PIAS3: variants seen among roughly 807,000 people sequenced by gnomAD.
PIAS3 encodes E3 SUMO-protein ligase PIAS3.
PIAS3 carries 34 observed loss-of-function variants against 67.6 expected under a neutral mutation model. The observed-to-expected ratio is 0.50, with a 90% CI of 0.38 to 0.67. PIAS3 has a LOEUF of 0.67. Among genes scored for constraint, PIAS3 ranks in the 30% least tolerant of loss-of-function variants. The pLI is 0.00. For missense variants in PIAS3, 693 were observed against 791.6 expected (o/e 0.88, Z 1.49); for synonymous variants, 341 against 313.8 (o/e 1.09, Z -0.92).
At chr1:145,854,643 G>T (rs1427641429) in intron 6 of PIAS3, 80 bp from the exon 7 acceptor site, 2 of 1,582,168 alleles carry the variant, frequency 1.3e-6, no homozygotes, top group South Asian at 1.1e-5. Context: ...GAGGACCAGA[G>T]ACAGACTCAT....
chr1:145,856,131 G>A lies in PIAS3; in HGVS notation c.528-13C>T, dbSNP rs1036567939. 9 of 1,611,668 alleles carry A rather than the reference G, an allele frequency of 5.6e-6. No individual in the cohort carries two copies. Among genetic ancestry groups the A allele is most frequent in the Admixed American group, 1.7e-5 (1 of 60,018 alleles). On this transcript the variant is annotated splice_polypyrimidine_tract_variant and intron_variant, in intron 3 of 13. Coordinates refer to ENST00000393045, the MANE Select transcript of PIAS3 (RefSeq NM_006099.3). ...TGGCAGAACCTCTCTGTAACAGGGA[G>A]GGAGATGAAGAGATGTCAGCATGTA...
chr1:145,857,345 C>A (rs1436066669), intron 1 of PIAS3: 6 of 347,984 alleles, frequency 1.7e-5, no homozygotes, highest in African/African-American at 1.0e-4. Flanking sequence ...CCGCCTCCAT[C>A]CCTGGACTCT....
chr1:145,854,221 T>C (rs1653071711), intron 7 of PIAS3: 2 of 599,162 alleles, frequency 3.3e-6, no homozygotes, highest in African/African-American at 1.9e-5. Context: ...GGGCTGGAGT[T>C]AGGGACTGTG....
intron 9 of PIAS3, 145 bp from the exon 10 acceptor site, chr1:145,851,298 T>C (rs1652954594): frequency 2.5e-6 from 2 of 795,882 alleles, no homozygotes; most frequent in South Asian, 1.7e-5. Flanking sequence ...CTCTGAGTTG[T>C]TGGAATCAAA....
intron 7 of PIAS3, chr1:145,854,215 T>G: frequency 1.7e-6 from 1 of 597,866 alleles, no homozygotes; most frequent in Non-Finnish European, 3.0e-6. Context: ...CTAGCAGGGC[T>G]GGAGTTAGGG....
chr1:145,856,549 T>C (rs781813139), intron 2 of PIAS3, 40 bp downstream of exon 2: 50 of 1,587,236 alleles, frequency 3.2e-5, no homozygotes, highest in Non-Finnish European at 3.6e-5. Flanking sequence ...GGGGAACAGG[T>C]AGGGAGTCCA....
intron 9 of PIAS3, among the ~76,000 whole-genome samples, chr1:145,851,655 C>CA (rs1188623126): frequency 0.048 from 1,990 of 41,354 alleles, 85 homozygotes; most frequent in African/African-American, 0.13. Flanking sequence ...GGCTCTGCCT[C>CA]AAAAAAAAAA....
Position 145,859,061 on chromosome 1 carries a change from C to G in PIAS3, c.-71G>C. On this transcript the variant is annotated 5_prime_UTR_variant, in exon 1 of 14. Coordinates refer to ENST00000393045, the MANE Select transcript of PIAS3 (RefSeq NM_006099.3). ...AGGGACCGGCGCACAACTCTCCACC[C>G]TGGCGCCGGCCGCAAATGCCGCCTG... 6.8e-7 allele frequency: 1 copy of G among 1,474,840 alleles called. No individual in the cohort carries two copies. The allele number at this position is 1,474,840 out of a possible 1,614,324, so 91.4% of individuals were successfully genotyped here. A position where few individuals can be genotyped will look rare whatever the true frequency, so the allele number is the denominator to read the frequency against.
intron 5 of PIAS3, 130 bp downstream of exon 5, chr1:145,855,606 T>G: frequency 1.5e-6 from 1 of 665,760 alleles, no homozygotes; most frequent in Non-Finnish European, 2.7e-6. Flanking sequence ...ATTGATTCAG[T>G]CAGTAAACTG....
At position 145,850,274 on chromosome 1, in the gene PIAS3, C is replaced by T; in HGVS notation, c.1583-5G>A. On this transcript the variant is annotated splice_region_variant and splice_polypyrimidine_tract_variant and intron_variant, in intron 12 of 13. Coordinates refer to ENST00000393045, the MANE Select transcript of PIAS3 (RefSeq NM_006099.3). ...GAAATGAAAATAAATCTAAACCTGG[C>T]AGGAAAAGAAAAATCAAAATTAACC... is the stretch of plus-strand genomic sequence containing the variant. The T allele has an allele frequency of 1.2e-6, 2 of 1,614,208 alleles. No homozygotes were observed. Among genetic ancestry groups the T allele is most frequent in the Non-Finnish European group, 1.7e-6 (2 of 1,180,026 alleles).
Position 145,849,335 on chromosome 1 carries a change from T to C in PIAS3, c.*111A>G. ...CCAAAAGTAGGCATCTGTGAAGGTC[T>C]GTCTGGCCCTTGGCCAGAGCCCCCA... On this transcript the variant is annotated 3_prime_UTR_variant, in exon 14 of 14. Transcript: ENST00000393045. The C allele has an allele frequency of 8.7e-7, 1 of 1,143,264 alleles. No homozygotes were observed. Among genetic ancestry groups the C allele is most frequent in the African/African-American group, 1.6e-5 (1 of 62,772 alleles). 70.8% of individuals were successfully genotyped at this position (1,143,264 alleles called of 1,614,324 possible). A position where few individuals can be genotyped will look rare whatever the true frequency, so the allele number is the denominator to read the frequency against.
In PIAS3 at chr1:145,849,080, G is replaced by A. The variant is rs1466920669; in HGVS notation, c.*366C>T. The A allele has an allele frequency of 1.6e-5, 3 of 184,262 alleles. No individual in the cohort carries two copies. Among genetic ancestry groups the A allele is most frequent in the Non-Finnish European group, 3.3e-5 (3 of 89,578 alleles). 11.4% of individuals were successfully genotyped at this position (184,262 alleles called of 1,614,324 possible). A position where few individuals can be genotyped will look rare whatever the true frequency, so the allele number is the denominator to read the frequency against. On this transcript the variant is annotated 3_prime_UTR_variant, in exon 14 of 14. Transcript: ENST00000393045. ...GTAATAAGAAGAGAGAGCATTTGGGGTTCAAGAGAGGTGCCCCTTCCCCAA... is the reference window on the plus strand; with the variant it reads ...GTAATAAGAAGAGAGAGCATTTGGGATTCAAGAGAGGTGCCCCTTCCCCAA...
At position 145,855,802 on chromosome 1, in the gene PIAS3, G is replaced by T; in HGVS notation, c.603C>A (p.Cys201Ter). ...QLRFCLCETS[C>*]PQEDYFPPNL... ...TGGGGGGAAAATAATCTTCCTGGGG[G>T]CAGCTGGTCTCACAGAGACAGAACC... Residue 201 changes from cysteine (C) to a stop codon, truncating the protein, a stop_gained, in exon 5 of 14, where the codon TGC becomes TGA. Coordinates refer to ENST00000393045, the MANE Select transcript of PIAS3 (RefSeq NM_006099.3). LOFTEE classifies it high-confidence loss of function. The T allele has an allele frequency of 6.2e-7, 1 of 1,606,200 alleles. No individual in the cohort carries two copies. Among genetic ancestry groups the T allele is most frequent in the Non-Finnish European group, 8.5e-7 (1 of 1,172,790 alleles).
intron 1 of PIAS3, chr1:145,857,316 T>C (rs1653231242): frequency 1.7e-5 from 7 of 412,098 alleles, no homozygotes; most frequent in Admixed American, 1.1e-4. Context: ...CAGACACACC[T>C]CCGAGTCCAT....
At chr1:145,853,244 T>C (rs1363503978) in intron 9 of PIAS3, among the ~76,000 whole-genome samples, 1 of 151,830 alleles carries the variant, frequency 6.6e-6, no homozygotes, top group Non-Finnish European at 1.5e-5. Context: ...ACCCAGTCTT[T>C]ACTAAAAATA....
chr1:145,850,934 G>A lies in PIAS3; in HGVS notation c.1285C>T (p.Gln429Ter). 4 of 1,614,142 alleles carry A rather than the reference G, an allele frequency of 2.5e-6. No individual in the cohort carries two copies. Among genetic ancestry groups the A allele is most frequent in the Non-Finnish European group, 3.4e-6 (4 of 1,180,006 alleles). The change falls in exon 11 of 14, where the codon CAG becomes TAG. Residue 429 changes from glutamine (Q) to a stop codon, truncating the protein, a stop_gained. Transcript: ENST00000393045. LOFTEE classifies it high-confidence loss of function. ...PPPGYGLDGL[Q>*]YSPVQGGDPS... ...TCTCCCCCCTGGACTGGGCTGTACT[G>A]GAGGCCTGTGGGTATTAAGAAGACT...
In PIAS3 at chr1:145,849,483, A is replaced by C. The variant is rs1336282508; in HGVS notation, c.1850T>G (p.Leu617Trp). The C allele has an allele frequency of 1.3e-6, 2 of 1,521,094 alleles. No homozygotes were observed. The highest frequency in any genetic ancestry group is 1.8e-6 in the Non-Finnish European group (2 of 1,139,194). 94.2% of individuals were successfully genotyped at this position (1,521,094 alleles called of 1,614,324 possible). A position where few individuals can be genotyped will look rare whatever the true frequency, so the allele number is the denominator to read the frequency against. The part of the protein sequence containing the change: ...HGGPLPSGPS[L>W]TGCRSDIISL... ...AATGATGTCTGACCGACAGCCAGTC[A>C]AAGAGGGACCTGAGGGCAGGGGTCC... The change falls in exon 14 of 14, where the codon TTG (leucine) becomes TGG (tryptophan). Residue 617 changes from leucine (L) to tryptophan (W), a missense_variant. By Grantham distance (61) the Leu-to-Trp change is moderately conservative. This residue lies in a region of PIAS3 where 270 missense variants were observed against 261.0 expected (regional missense o/e 1.03). Coordinates refer to ENST00000393045, the MANE Select transcript of PIAS3 (RefSeq NM_006099.3).
Position 145,853,827 on chromosome 1 carries a change from A to G in PIAS3, c.970T>C (p.Ser324Pro), listed in dbSNP as rs1163716732. 1 of 1,613,926 alleles carries G rather than the reference A, an allele frequency of 6.2e-7. No homozygotes were observed. The highest frequency in any genetic ancestry group is 1.3e-5 in the African/African-American group (1 of 74,916). Residue 324 changes from serine to proline, a missense_variant, in exon 8 of 14, where the codon TCA (serine) becomes CCA (proline). Ser to Pro is a moderately conservative substitution (Grantham distance 74). Coordinates refer to ENST00000393045, the MANE Select transcript of PIAS3 (RefSeq NM_006099.3). ...CTTTTACCCACCGGGCACATGAGTG[A>G]CACCCGGAGACTTGTAGTGGCCACC... ...SEVATTSLRV[S>P]LMCPLGKMRL...
intron 13 of PIAS3, 21 bp from the exon 14 acceptor site, chr1:145,849,733 A>G: frequency 6.4e-7 from 1 of 1,555,368 alleles, no homozygotes; most frequent in Non-Finnish European, 8.7e-7. Context: ...TCAAGGGCAT[A>G]GTTTAAGATC....
Sources: allele counts gnomAD v4.1 joint callset (sites outside exome capture counted in the v4.1 genomes callset), GRCh38; gene constraint gnomAD v4.1.1; regional missense constraint gnomAD v4.1.1; transcripts MANE v1.5; gene names NCBI Gene and HGNC (gene_info 2026-07-23, HGNC 2026-07-21).